Variants in RSRC1 observed in about 807,000 individuals in gnomAD.
RSRC1 encodes serine/Arginine-related protein 53.
In RSRC1, 39 loss-of-function variants were observed where a neutral mutation model predicts 49.1. The ratio of observed to expected loss-of-function variants is 0.79; its 90% CI spans 0.61 to 1.04. RSRC1 has a LOEUF of 1.04. Among genes scored for constraint, RSRC1 ranks in the 50% least tolerant of loss-of-function variants. The probability of loss-of-function intolerance (pLI) is 0.00; values close to 1 mark genes in which losing one functional copy is unlikely to be tolerated. For synonymous variants in RSRC1, 143 were observed against 130.8 expected (o/e 1.09, Z -0.63); for missense variants, 388 against 402.4 (o/e 0.96, Z 0.31).
chr3:158,503,015 G>C (rs951880976), intron 7 of RSRC1, among the ~76,000 whole-genome samples: 1 of 152,182 alleles, frequency 6.6e-6, no homozygotes. Context: ...CAGAAAACCA[G>C]CTCTGTCAGA....
At chr3:158,132,526 C>A (rs1716103739) in intron 3 of RSRC1, among the ~76,000 whole-genome samples, 1 of 152,048 alleles carries the variant, frequency 6.6e-6, no homozygotes, top group South Asian at 2.1e-4. Context: ...TATGTTATTT[C>A]TTCAACTTGA....
chr3:158,205,835 C>CA (rs1721316041), intron 4 of RSRC1, among the ~76,000 whole-genome samples: 1 of 152,036 alleles, frequency 6.6e-6, no homozygotes, highest in African/African-American at 2.4e-5. Context: ...AAAAAAATCA[C>CA]AAAAATCTCA....
chr3:158,223,799 C>T (rs553453642), intron 4 of RSRC1, among the ~76,000 whole-genome samples: 267 of 151,864 alleles, frequency 1.8e-3, no homozygotes, highest in African/African-American at 6.2e-3. Context: ...GCTGTAGCCA[C>T]ACTGTTCTTT....
chr3:158,407,869 C>T (rs1470502444), intron 6 of RSRC1, among the ~76,000 whole-genome samples: 1 of 152,114 alleles, frequency 6.6e-6, no homozygotes, highest in Admixed American at 6.6e-5. Context: ...ATCTTCCAGT[C>T]TTACTTACAG....
At chr3:158,263,168 T>G (rs1341670993) in intron 4 of RSRC1, among the ~76,000 whole-genome samples, 1 of 152,170 alleles carries the variant, frequency 6.6e-6, no homozygotes, top group Non-Finnish European at 1.5e-5. Context: ...ATAATTTTAG[T>G]AGATTCCTTT....
At chr3:158,505,914 T>C (rs1034344092) in intron 7 of RSRC1, among the ~76,000 whole-genome samples, 1 of 151,982 alleles carries the variant, frequency 6.6e-6, no homozygotes, top group Non-Finnish European at 1.5e-5. Context: ...TGTAGGAAAA[T>C]GATGTGCACC....
intron 7 of RSRC1, among the ~76,000 whole-genome samples, chr3:158,464,488 T>TGG (rs1737776935): frequency 1.3e-5 from 2 of 152,186 alleles, no homozygotes; most frequent in South Asian, 4.1e-4. Context: ...CAGCCCTTTC[T>TGG]AAATTATTCA....
intron 5 of RSRC1, among the ~76,000 whole-genome samples, chr3:158,303,964 C>G (rs1727709800): frequency 1.3e-5 from 2 of 152,130 alleles, no homozygotes; most frequent in South Asian, 4.1e-4. Flanking sequence ...AAAAGAATTA[C>G]AAGTGTTTAC....
intron 4 of RSRC1, among the ~76,000 whole-genome samples, chr3:158,253,196 A>G (rs1047940800): frequency 2.6e-5 from 4 of 151,504 alleles, no homozygotes; most frequent in African/African-American, 2.4e-5. Flanking sequence ...TTTTTGATGT[A>G]GATTCTTATT....
chr3:158,171,483 A>C (rs1235858423), intron 3 of RSRC1, among the ~76,000 whole-genome samples: 1 of 152,176 alleles, frequency 6.6e-6, no homozygotes, highest in Non-Finnish European at 1.5e-5. Flanking sequence ...CTCCAGAGTA[A>C]AGGTAAGCCC....
At chr3:158,282,110 C>T (rs1349324547) in intron 4 of RSRC1, among the ~76,000 whole-genome samples, 1 of 152,148 alleles carries the variant, frequency 6.6e-6, no homozygotes, top group Admixed American at 6.5e-5. Flanking sequence ...CCTGTCTGTG[C>T]TTATCAAAGA....
At chr3:158,231,547 G>A (rs920580932) in intron 4 of RSRC1, among the ~76,000 whole-genome samples, 3 of 152,096 alleles carry the variant, frequency 2.0e-5, no homozygotes, top group South Asian at 4.1e-4. Flanking sequence ...CTCTGGTCAC[G>A]TGTGTAACTC....
intron 3 of RSRC1, among the ~76,000 whole-genome samples, chr3:158,177,870 A>G (rs886596576): frequency 6.6e-6 from 1 of 152,168 alleles, no homozygotes; most frequent in African/African-American, 2.4e-5. Context: ...TTTTAGAATC[A>G]TCTTGACTGT....
chr3:158,341,813 C>T (rs1560001614), intron 5 of RSRC1, among the ~76,000 whole-genome samples: 4 of 152,192 alleles, frequency 2.6e-5, no homozygotes, highest in South Asian at 2.1e-4. Flanking sequence ...ATGAAAGCAG[C>T]CGGGAGGGAG....
intron 3 of RSRC1, among the ~76,000 whole-genome samples, chr3:158,200,456 C>T (rs1338339215): frequency 6.6e-6 from 1 of 152,024 alleles, no homozygotes; most frequent in Non-Finnish European, 1.5e-5. Context: ...TGACAAACTG[C>T]CTTTTTACAA....
intron 3 of RSRC1, among the ~76,000 whole-genome samples, chr3:158,183,786 T>C (rs1719769745): frequency 6.6e-6 from 1 of 151,922 alleles, no homozygotes; most frequent in Non-Finnish European, 1.5e-5. Flanking sequence ...CATGGTGGCA[T>C]GCACCTGTAG....
At chr3:158,379,998 G>T (rs150392475) in intron 6 of RSRC1, among the ~76,000 whole-genome samples, 1 of 151,400 alleles carries the variant, frequency 6.6e-6, no homozygotes, top group Non-Finnish European at 1.5e-5. Flanking sequence ...TGGATCTCCA[G>T]CACCAAGAAC....
At chr3:158,179,814 T>C (rs1719473329) in intron 3 of RSRC1, among the ~76,000 whole-genome samples, 3 of 152,230 alleles carry the variant, frequency 2.0e-5, no homozygotes, top group Admixed American at 2.0e-4. Context: ...AGTGCCAAAC[T>C]ATTTTCCAGA....
intron 4 of RSRC1, among the ~76,000 whole-genome samples, chr3:158,272,238 C>G (rs1725560659): frequency 6.6e-6 from 1 of 151,952 alleles, no homozygotes; most frequent in South Asian, 2.1e-4. Context: ...CATCTAGTGC[C>G]CCAAAGAACG....
Sources: allele counts gnomAD v4.1 joint callset (sites outside exome capture counted in the v4.1 genomes callset), GRCh38; gene constraint gnomAD v4.1.1; transcripts MANE v1.5; gene names NCBI Gene and HGNC (gene_info 2026-07-23, HGNC 2026-07-21).